Variants in GHRHR observed in about 807,000 individuals in gnomAD.
The protein encoded by GHRHR is growth hormone-releasing hormone receptor.
In GHRHR, 40 loss-of-function variants were observed where a neutral mutation model predicts 58.3. That is an observed-to-expected ratio of 0.69 (90% confidence interval 0.53 to 0.89). The LOEUF (loss-of-function observed/expected upper bound fraction) is 0.89. Among genes scored for constraint, GHRHR ranks in the 40% least tolerant of loss-of-function variants. GHRHR has a pLI of 0.00. For synonymous variants in GHRHR, 249 were observed against 216.6 expected (o/e 1.15, Z -1.31); for missense variants, 551 against 541.3 (o/e 1.02, Z -0.18).
chr7:30,964,076 G>A lies in GHRHR; in HGVS notation c.8G>A (p.Arg3His), dbSNP rs768888026. The A allele has an allele frequency of 6.5e-5, 101 of 1,550,346 alleles. No individual in the cohort carries two copies. Among genetic ancestry groups the A allele is most frequent in the Middle Eastern group, 3.4e-4 (2 of 5,968 alleles). The change falls in exon 1 of 13, where the codon CGC becomes CAC. Residue 3 changes from arginine (R) to histidine (H), a missense_variant. Coordinates refer to ENST00000326139, the MANE Select transcript of GHRHR (RefSeq NM_000823.4). MD[R>H]RMWGAHVFCV... ...GCCACTGCTGGGCTCACCATGGACC[G>A]CCGGATGTGGGGGGCCCACGTCTTC...
intron 6 of GHRHR, among the ~76,000 whole-genome samples, chr7:30,973,236 G>A (rs771044635): frequency 6.6e-6 from 1 of 152,180 alleles, no homozygotes; most frequent in Non-Finnish European, 1.5e-5. Flanking sequence ...AGTAGCCTGA[G>A]GGGGAGGAGG....
intron 4 of GHRHR, among the ~76,000 whole-genome samples, chr7:30,970,745 G>C (rs1431062723): frequency 6.6e-6 from 1 of 152,192 alleles, no homozygotes; most frequent in African/African-American, 2.4e-5. Flanking sequence ...CCTTTATTTG[G>C]ATACATTGTG....
intron 3 of GHRHR, chr7:30,969,521 T>G: frequency 5.0e-6 from 3 of 599,230 alleles, no homozygotes; most frequent in Non-Finnish European, 8.9e-6. Context: ...TGGGGCACTC[T>G]GCTGCTCTGC....
At chr7:30,968,109 C>T (rs1001090446) in intron 1 of GHRHR, among the ~76,000 whole-genome samples, 3 of 152,102 alleles carry the variant, frequency 2.0e-5, no homozygotes, top group Admixed American at 1.3e-4. Flanking sequence ...AGGAGCCTTG[C>T]GATTACATCA....
intron 6 of GHRHR, among the ~76,000 whole-genome samples, chr7:30,973,697 TG>T (rs2128598151): frequency 6.6e-6 from 1 of 152,332 alleles, no homozygotes; most frequent in East Asian, 1.9e-4. Flanking sequence ...GATGAGGACT[TG>T]ATCTAGGTAT....
chr7:30,976,750 A>G (rs1204278206), intron 11 of GHRHR, among the ~76,000 whole-genome samples, 192 bp downstream of exon 11: 3 of 151,962 alleles, frequency 2.0e-5, no homozygotes, highest in Admixed American at 6.6e-5. Context: ...TCTTCCATCC[A>G]TCCATCCATC....
At chr7:30,967,685 T>TCTGCCTTC (rs72437876) in intron 1 of GHRHR, among the ~76,000 whole-genome samples, 1 of 152,040 alleles carries the variant, frequency 6.6e-6, no homozygotes, top group Non-Finnish European at 1.5e-5. Flanking sequence ...TTCCTTCTTT[T>TCTGCCTTC]CTGCCTTCCT....
intron 1 of GHRHR, among the ~76,000 whole-genome samples, chr7:30,966,244 A>G (rs1320311459): frequency 6.6e-6 from 1 of 151,832 alleles, no homozygotes; most frequent in African/African-American, 2.4e-5. Flanking sequence ...TATTGTCCCC[A>G]CTCTGGTGGT....
At chr7:30,972,277 C>G (rs559463537) in intron 6 of GHRHR, 182 bp downstream of exon 6, 17 of 648,024 alleles carry the variant, frequency 2.6e-5, no homozygotes, top group Admixed American at 2.4e-4. Flanking sequence ...CACGCCTTTC[C>G]TGGACTGTGG....
chr7:30,964,247 C>A lies in GHRHR; in HGVS notation c.57+122C>A, dbSNP rs1006230202. 13 of 890,750 alleles carry A rather than the reference C, an allele frequency of 1.5e-5. No individual in the cohort carries two copies. In the African/African-American group the frequency reaches 1.6e-4, roughly 11 times the overall value. The allele number at this position is 890,750 out of a possible 1,614,324, so 55.2% of individuals were successfully genotyped here. On this transcript the variant is annotated intron_variant, in intron 1 of 12. Transcript: ENST00000326139. ...TCTCCTGCTCTAGAGTCCCTCCCTA[C>A]GAGCAGGTGGCAGGCTGTGGCTTGG...
chr7:30,975,987 C>T, intron 10 of GHRHR, 119 bp downstream of exon 10: 1 of 725,292 alleles, frequency 1.4e-6, no homozygotes, highest in Admixed American at 2.0e-5. Context: ...TCCCTATGTT[C>T]CCAGAGACAG....
chr7:30,974,021 G>A lies in GHRHR; in HGVS notation c.634G>A (p.Ala212Thr), dbSNP rs371191800. The part of the protein sequence containing the change: ...CKVSVAASHF[A>T]TMTNFSWLLA... ...GGTCTCTGTGGCCGCCTCCCATTTC[G>A]CCACCATGACCAACTTCAGCTGGCT... The change falls in exon 7 of 13, where the codon GCC becomes ACC. Residue 212 changes from alanine (A) to threonine (T), a missense_variant. By Grantham distance (58) the Ala-to-Thr change is moderately conservative (BLOSUM62 0). Transcript: ENST00000326139. 28 of 1,613,888 alleles carry A rather than the reference G, an allele frequency of 1.7e-5. 1 individual carries two copies. The South Asian group carries it at 2.1e-4, about 12-fold the overall frequency.
At position 30,979,156 on chromosome 7, in the gene GHRHR, A is replaced by T. The variant is rs1485373342; in HGVS notation, c.1184A>T (p.Asp395Val). Residue 395 changes from aspartate (D) to valine (V), a missense_variant, in exon 13 of 13, where the codon GAC becomes GTC. Transcript: ENST00000326139. ...TEISRKWHGH[D>V]PELLPAWRTR... is the part of the protein sequence containing the mutation. ...ATCTCACGGAAGTGGCATGGCCATG[A>T]CCCTGAGCTTCTGCCAGCCTGGAGG... The T allele has an allele frequency of 1.9e-6, 3 of 1,613,440 alleles. No homozygotes were observed. Among genetic ancestry groups the T allele is most frequent in the Non-Finnish European group, 2.5e-6 (3 of 1,179,520 alleles).
At chr7:30,973,033 C>T (rs1792507683) in intron 6 of GHRHR, among the ~76,000 whole-genome samples, 1 of 152,174 alleles carries the variant, frequency 6.6e-6, no homozygotes, top group Non-Finnish European at 1.5e-5. Flanking sequence ...CTACTGTTGA[C>T]CTGAAGCCTT....
chr7:30,966,121 A>C (rs1482237270), intron 1 of GHRHR, among the ~76,000 whole-genome samples: 1 of 152,154 alleles, frequency 6.6e-6, no homozygotes. Flanking sequence ...TTCTCCTGCC[A>C]GGGTAGCACT....
chr7:30,966,416 A>G (rs1331711575), intron 1 of GHRHR, among the ~76,000 whole-genome samples: 2 of 150,936 alleles, frequency 1.3e-5, no homozygotes, highest in Non-Finnish European at 3.0e-5. Context: ...GGTGGGGGCC[A>G]TGGGGAGAGA....
At chr7:30,967,122 G>GT (rs1435560152) in intron 1 of GHRHR, among the ~76,000 whole-genome samples, 1 of 152,226 alleles carries the variant, frequency 6.6e-6, no homozygotes, top group Non-Finnish European at 1.5e-5. Context: ...CAGAAAGTAT[G>GT]TTTTGTAAAC....
chr7:30,975,985 T>A (rs1792569427), intron 10 of GHRHR, 117 bp downstream of exon 10: 2 of 725,736 alleles, frequency 2.8e-6, no homozygotes, highest in Non-Finnish European at 5.1e-6. Context: ...CTTCCCTATG[T>A]TCCCAGAGAC....
At chr7:30,971,868 C>A in intron 5 of GHRHR, 95 bp from the exon 6 acceptor site, 2 of 1,131,158 alleles carry the variant, frequency 1.8e-6, no homozygotes, top group Non-Finnish European at 2.7e-6. Context: ...CAGTTTGATT[C>A]GATTCACCTC....
Sources: allele counts gnomAD v4.1 joint callset (sites outside exome capture counted in the v4.1 genomes callset), GRCh38; gene constraint gnomAD v4.1.1; transcripts MANE v1.5; gene names NCBI Gene and HGNC (gene_info 2026-07-23, HGNC 2026-07-21).